Variants in XRCC2 observed in about 807,000 individuals in gnomAD.
The protein encoded by XRCC2 is DNA repair protein XRCC2.
Under a neutral mutation model 27.3 loss-of-function variants are expected in XRCC2, and 24 were observed. That is an observed-to-expected ratio of 0.88 (90% CI 0.64 to 1.24). The LOEUF (loss-of-function observed/expected upper bound fraction) is 1.24. Among genes scored for constraint, XRCC2 ranks in the 50% most tolerant of loss-of-function variants. The probability of loss-of-function intolerance (pLI) is 0.00; values close to 1 mark genes in which losing one functional copy is unlikely to be tolerated. For synonymous variants in XRCC2, 106 were observed against 115.4 expected (o/e 0.92, Z 0.52); for missense variants, 321 against 325.8 (o/e 0.99, Z 0.11).
At chr7:152,650,892 AC>A (rs1288322539) in intron 2 of XRCC2, among the ~76,000 whole-genome samples, 1 of 152,140 alleles carries the variant, frequency 6.6e-6, no homozygotes, top group African/African-American at 2.4e-5. Context: ...GTCTCAAAAA[AC>A]AAAAACAAAA....
At chr7:152,667,167 G>T (rs1208622820) in intron 1 of XRCC2, among the ~76,000 whole-genome samples, 1 of 151,680 alleles carries the variant, frequency 6.6e-6, no homozygotes, top group Non-Finnish European at 1.5e-5. Context: ...AGCACTTTGG[G>T]AGTGCCAAGG....
Position 152,646,645 on chromosome 7 carries a change from T to A in XRCC2, c.*1997A>T, listed in dbSNP as rs1206089592. On this transcript the variant is annotated 3_prime_UTR_variant, in exon 3 of 3. Transcript: ENST00000359321. ...GCACGCACCACCATGCCCAGCTAATTTTTTGTATTTTAATAGAGATGGGGT... is the reference window on the plus strand; with the variant it reads ...GCACGCACCACCATGCCCAGCTAATATTTTGTATTTTAATAGAGATGGGGT... The A allele has an allele frequency of 6.6e-6, 1 of 151,846 alleles. No individual in the cohort carries two copies. The highest frequency in any genetic ancestry group is 1.5e-5 in the Non-Finnish European group (1 of 67,988). The allele number at this position is 151,846 out of a possible 1,614,324, so 9.4% of individuals were successfully genotyped here. A position where few individuals can be genotyped will look rare whatever the true frequency, so the allele number is the denominator to read the frequency against.
chr7:152,649,010 G>A lies in XRCC2; in HGVS notation c.475C>T (p.Arg159Cys), dbSNP rs587780128. The A allele has an allele frequency of 2.1e-5, 34 of 1,613,954 alleles. No homozygotes were observed. Among genetic ancestry groups the A allele is most frequent in the Middle Eastern group, 1.6e-4 (1 of 6,084 alleles). The change falls in exon 3 of 3, where the codon CGC (arginine) becomes TGC (cysteine). Residue 159 changes from arginine to cysteine, a missense_variant. Arg to Cys is a radical substitution (Grantham distance 180). Transcript: ENST00000359321. ...TTCACACTTTCTCCTCCATTGACGCGGTCTATCCAGTAAAAAGCTGACAGG... is the reference window on the plus strand; with the variant it reads ...TTCACACTTTCTCCTCCATTGACGCAGTCTATCCAGTAAAAAGCTGACAGG... ...DSLSAFYWID[R>C]VNGGESVNLQ...
At chr7:152,674,970 G>C (rs2098040279) in intron 1 of XRCC2, among the ~76,000 whole-genome samples, 1 of 151,648 alleles carries the variant, frequency 6.6e-6, no homozygotes, top group African/African-American at 2.4e-5. Context: ...GAGTTGAGTG[G>C]CTGTGACAGA....
chr7:152,674,728 A>ATATTATATAAATATATTTTAAAATATG lies in XRCC2; in HGVS notation c.39+1312_39+1313insCATATTTTAAAATATATTTATATAATA, dbSNP rs2098039836. Among the ~76,000 whole-genome samples the ATATTATATAAATATATTTTAAAATATG allele has an allele frequency of 7.7e-5, 8 of 104,428 alleles. 3 individuals are homozygous for ATATTATATAAATATATTTTAAAATATG. Among genetic ancestry groups the ATATTATATAAATATATTTTAAAATATG allele is most frequent in the African/African-American group, 2.8e-4 (8 of 28,868 alleles). 68.5% of individuals were successfully genotyped at this position (104,428 alleles called of 152,430 possible). On this transcript the variant is annotated intron_variant, in intron 1 of 2. Coordinates refer to ENST00000359321, the MANE Select transcript of XRCC2 (RefSeq NM_005431.2). ...ATTTATATAATATATTTTTAAATAT[A>ATATTATATAAATATATTTTAAAATATG]TATTATATATAAATATATTTTTAAA...
intron 2 of XRCC2, among the ~76,000 whole-genome samples, chr7:152,658,154 T>C (rs967929052): frequency 2.0e-5 from 3 of 151,476 alleles, no homozygotes; most frequent in Non-Finnish European, 4.4e-5. Flanking sequence ...CTTTTTCTTT[T>C]TTTTTTTTGA....
At chr7:152,675,095 G>A (rs1211692615) in intron 1 of XRCC2, among the ~76,000 whole-genome samples, 1 of 152,014 alleles carries the variant, frequency 6.6e-6, no homozygotes, top group Non-Finnish European at 1.5e-5. Flanking sequence ...TTCATACCCT[G>A]CCCACTGCTC....
intron 2 of XRCC2, among the ~76,000 whole-genome samples, chr7:152,652,873 G>A (rs1413507478): frequency 4.6e-5 from 7 of 152,194 alleles, no homozygotes; most frequent in Non-Finnish European, 7.3e-5. Context: ...TGTGGCTTTG[G>A]TGGCAGAGTT....
intron 2 of XRCC2, among the ~76,000 whole-genome samples, chr7:152,653,266 A>G (rs3218513): frequency 0.95 from 144,079 of 152,154 alleles, 68,271 homozygotes; most frequent in Admixed American, 0.96. Context: ...TGCCTTCTGC[A>G]ATGATTGTGA....
intron 1 of XRCC2, among the ~76,000 whole-genome samples, chr7:152,665,487 CT>C (rs66692067): frequency 5.8e-4 from 49 of 84,324 alleles, no homozygotes; most frequent in African/African-American, 2.0e-3. Flanking sequence ...TAAGACAAAC[CT>C]TTTTTTTTTT....
At chr7:152,659,569 T>TG (rs1481079732) in intron 2 of XRCC2, among the ~76,000 whole-genome samples, 10 of 151,572 alleles carry the variant, frequency 6.6e-5, no homozygotes, top group Non-Finnish European at 1.2e-4. Flanking sequence ...TCATTGGCCG[T>TG]GAGGACAATG....
chr7:152,662,551 C>T (rs565839182), intron 1 of XRCC2, among the ~76,000 whole-genome samples: 30 of 147,154 alleles, frequency 2.0e-4, no homozygotes, highest in African/African-American at 7.5e-4. Context: ...GGAAGAAAGT[C>T]ACCTTTTATT....
At chr7:152,652,082 G>A (rs2098028761) in intron 2 of XRCC2, among the ~76,000 whole-genome samples, 1 of 151,684 alleles carries the variant, frequency 6.6e-6, no homozygotes, top group Non-Finnish European at 1.5e-5. Flanking sequence ...GGTGAAGTGG[G>A]AGCCTGTGAG....
chr7:152,648,838 A>G lies in XRCC2; in HGVS notation c.647T>C (p.Leu216Pro), dbSNP rs2098027209. ...TCTGTAGTCTATGTCCACATCACACAGTCGTCGAGAGGCATGAGAAGGTTC... is the reference window on the plus strand; with the variant it reads ...TCTGTAGTCTATGTCCACATCACACGGTCGTCGAGAGGCATGAGAAGGTTC... ...SEEPSHASRR[L>P]CDVDIDYRPY... The change falls in exon 3 of 3, where the codon CTG becomes CCG. Residue 216 changes from leucine to proline, a missense_variant. Physicochemically the swap from Leu to Pro is moderately conservative, Grantham distance 98. Coordinates refer to ENST00000359321, the MANE Select transcript of XRCC2 (RefSeq NM_005431.2). 1.2e-6 allele frequency: 2 copies of G among 1,613,830 alleles called. No homozygotes were observed. Among genetic ancestry groups the G allele is most frequent in the Non-Finnish European group, 1.7e-6 (2 of 1,179,738 alleles).
At position 152,661,001 on chromosome 7, in the gene XRCC2, C is replaced by T. The variant is rs1489247143; in HGVS notation, c.40-219G>A. On this transcript the variant is annotated intron_variant, in intron 1 of 2. Coordinates refer to ENST00000359321, the MANE Select transcript of XRCC2 (RefSeq NM_005431.2). ...GGCGACATGGTGAAACCTGACTCTA[C>T]AAAAAATACAAAAATTATCTGGGCA... Among the ~76,000 whole-genome samples, 5 of 152,058 alleles carry T rather than the reference C, an allele frequency of 3.3e-5. No individual in the cohort carries two copies. In the East Asian group the frequency reaches 5.8e-4, roughly 18 times the overall value.
chr7:152,656,322 G>A (rs144070769), intron 2 of XRCC2, among the ~76,000 whole-genome samples: 1,817 of 151,620 alleles, frequency 0.012, 22 homozygotes, highest in African/African-American at 0.029. Context: ...TTGGGTGTTC[G>A]AGACCAGCCT....
intron 2 of XRCC2, among the ~76,000 whole-genome samples, chr7:152,652,162 C>G (rs1254086261): frequency 1.5e-5 from 2 of 131,470 alleles, no homozygotes; most frequent in Non-Finnish European, 3.4e-5. Context: ...GACCCTGTCT[C>G]TAAAAAGAAA....
intron 1 of XRCC2, among the ~76,000 whole-genome samples, chr7:152,669,447 C>G (rs3218414): frequency 1.3e-5 from 2 of 152,088 alleles, no homozygotes; most frequent in Non-Finnish European, 1.5e-5. Context: ...CTCACTCTGT[C>G]GCCCAGGCTG....
chr7:152,659,119 C>T (rs2116998099), intron 2 of XRCC2, among the ~76,000 whole-genome samples: 1 of 152,216 alleles, frequency 6.6e-6, no homozygotes, highest in South Asian at 2.1e-4. Flanking sequence ...TTCTCCACAT[C>T]CTTGCTAACA....
Sources: gnomAD v4.1 joint callset for allele counts (sites outside exome capture counted in the v4.1 genomes callset) on GRCh38, gnomAD v4.1.1 for gene constraint, MANE v1.5 for transcripts, NCBI Gene and HGNC (gene_info 2026-07-23, HGNC 2026-07-21) for gene names.